The following SLC9B1 variants were observed in gnomAD, a reference collection of about 807,000 sequenced individuals.
SLC9B1 encodes sodium/hydrogen exchanger 9B1.
SLC9B1 carries 32 observed loss-of-function variants against 51.7 expected under a neutral mutation model. The observed-to-expected ratio is 0.62, with a 90% confidence interval of 0.47 to 0.83. The LOEUF is 0.83. Among genes scored for constraint, SLC9B1 ranks in the 40% least tolerant of loss-of-function variants. The probability of loss-of-function intolerance (pLI) is 0.00; values close to 1 mark genes in which losing one functional copy is unlikely to be tolerated. For missense variants in SLC9B1, 406 were observed against 613.2 expected (o/e 0.66, Z 3.57); for synonymous variants, 145 against 212.7 (o/e 0.68, Z 2.77).
chr4:102,943,392 GC>G (rs1477099588), intron 6 of SLC9B1, among the ~76,000 whole-genome samples: 7 of 152,040 alleles, frequency 4.6e-5, no homozygotes, highest in African/African-American at 1.7e-4. Flanking sequence ...GTTTATTGCA[GC>G]ACAATTTGCA....
intron 1 of SLC9B1, among the ~76,000 whole-genome samples, chr4:103,002,133 G>A (rs1206223304): frequency 6.6e-6 from 1 of 152,148 alleles, no homozygotes; most frequent in African/African-American, 2.4e-5. Context: ...TGGGCTTACA[G>A]GTCTCTCCCT....
At chr4:102,947,210 T>C (rs1333670012) in intron 4 of SLC9B1, among the ~76,000 whole-genome samples, 1 of 152,048 alleles carries the variant, frequency 6.6e-6, no homozygotes, top group East Asian at 1.9e-4. Context: ...TCTGCCACAG[T>C]CCACGCAAAA....
chr4:102,910,103 C>G (rs1478011624), intron 9 of SLC9B1, among the ~76,000 whole-genome samples: 1 of 152,068 alleles, frequency 6.6e-6, no homozygotes, highest in Non-Finnish European at 1.5e-5. Flanking sequence ...GCATGAGCCA[C>G]CGTCCCCGGC....
At chr4:102,936,072 T>C (rs1736708656) in intron 6 of SLC9B1, among the ~76,000 whole-genome samples, 1 of 152,130 alleles carries the variant, frequency 6.6e-6, no homozygotes, top group South Asian at 2.1e-4. Flanking sequence ...TGCTTAACAC[T>C]GAAGGGCCAG....
intron 9 of SLC9B1, among the ~76,000 whole-genome samples, chr4:102,909,953 C>T (rs1735257008): frequency 6.6e-6 from 1 of 151,728 alleles, no homozygotes; most frequent in Non-Finnish European, 1.5e-5. Flanking sequence ...ATTACAGGTG[C>T]CCACCACCAC....
At chr4:102,926,046 C>A (rs1440334639) in intron 7 of SLC9B1, among the ~76,000 whole-genome samples, 1 of 152,282 alleles carries the variant, frequency 6.6e-6, no homozygotes, top group African/African-American at 2.4e-5. Context: ...AAATTCAACA[C>A]TCCTTCATGC....
intron 3 of SLC9B1, chr4:102,962,558 G>T: frequency 2.1e-6 from 1 of 476,732 alleles, no homozygotes; most frequent in South Asian, 1.5e-5. Flanking sequence ...TCAACAAGTG[G>T]GTGAATGTAT....
At position 102,989,580 on chromosome 4, in the gene SLC9B1, A is replaced by G. The variant is rs142294018; in HGVS notation, c.211+220T>C. On this transcript the variant is annotated intron_variant, in intron 3 of 11. Coordinates refer to ENST00000296422, the MANE Select transcript of SLC9B1 (RefSeq NM_139173.4). ...AAAATTTAACATAAAAAAGTATGAC[A>G]AATATTAAAACATACACCTCCTAGG... Among the ~76,000 whole-genome samples, 72 of 152,126 alleles carry G rather than the reference A, an allele frequency of 4.7e-4. No individual in the cohort carries two copies. In the East Asian group the frequency reaches 0.013, roughly 27 times the overall value.
chr4:102,922,545 A>G (rs1460372440), intron 7 of SLC9B1, among the ~76,000 whole-genome samples: 1 of 152,232 alleles, frequency 6.6e-6, no homozygotes, highest in East Asian at 1.9e-4. Context: ...GCAGAAGGCA[A>G]AAAATAAGAT....
intron 11 of SLC9B1, 103 bp from the exon 12 acceptor site, chr4:102,901,435 A>C (rs1734789670): frequency 7.9e-7 from 1 of 1,258,222 alleles, no homozygotes; most frequent in African/African-American, 1.5e-5. Flanking sequence ...GTACTAGACT[A>C]TTAGAAAAAA....
intron 6 of SLC9B1, among the ~76,000 whole-genome samples, chr4:102,938,977 C>T (rs962942435): frequency 9.2e-5 from 14 of 151,694 alleles, no homozygotes; most frequent in Non-Finnish European, 1.5e-4. Flanking sequence ...AACAGAAAAA[C>T]GAGAGGAAAC....
intron 11 of SLC9B1, among the ~76,000 whole-genome samples, chr4:102,893,958 AT>A (rs1734408663): frequency 1.3e-5 from 2 of 149,672 alleles, no homozygotes; most frequent in Admixed American, 1.3e-4. Flanking sequence ...ATGAATGAAT[AT>A]TCTAAATAAA....
chr4:102,914,687 G>T (rs1032125022), intron 7 of SLC9B1, among the ~76,000 whole-genome samples: 2 of 152,150 alleles, frequency 1.3e-5, no homozygotes, highest in African/African-American at 4.8e-5. Context: ...TGAAATTATG[G>T]AGTCAGAGGA....
At chr4:102,940,204 C>T (rs1395734612) in intron 6 of SLC9B1, among the ~76,000 whole-genome samples, 4 of 152,144 alleles carry the variant, frequency 2.6e-5, no homozygotes, top group Non-Finnish European at 5.9e-5. Flanking sequence ...TTTCTATACA[C>T]CAACAACATC....
intron 3 of SLC9B1, among the ~76,000 whole-genome samples, chr4:102,950,320 G>A (rs1395218978): frequency 6.6e-6 from 1 of 152,196 alleles, no homozygotes; most frequent in Non-Finnish European, 1.5e-5. Context: ...TAGATTATGT[G>A]TAGGAAGTAG....
chr4:102,942,442 A>G (rs1737053046), intron 6 of SLC9B1, among the ~76,000 whole-genome samples: 1 of 152,242 alleles, frequency 6.6e-6, no homozygotes, highest in Non-Finnish European at 1.5e-5. Context: ...ATAAGGCTAT[A>G]GTCACCAAAG....
At chr4:102,998,482 T>C (rs1740342659) in intron 1 of SLC9B1, among the ~76,000 whole-genome samples, 1 of 152,220 alleles carries the variant, frequency 6.6e-6, no homozygotes, top group Non-Finnish European at 1.5e-5. Flanking sequence ...GCTATGAAAA[T>C]AGGTGTACCA....
At chr4:102,986,304 A>G (rs2110514680) in intron 3 of SLC9B1, among the ~76,000 whole-genome samples, 1 of 146,410 alleles carries the variant, frequency 6.8e-6, no homozygotes, top group South Asian at 2.1e-4. Flanking sequence ...ATGCCACTCT[A>G]TTCTTGCTTC....
At chr4:103,010,863 A>T (rs913775173) in intron 1 of SLC9B1, among the ~76,000 whole-genome samples, 2 of 152,218 alleles carry the variant, frequency 1.3e-5, no homozygotes, top group Admixed American at 1.3e-4. Flanking sequence ...TTTCAACATG[A>T]AATTGGAGGG....
Sources: gnomAD v4.1 joint callset for allele counts (sites outside exome capture counted in the v4.1 genomes callset) on GRCh38, gnomAD v4.1.1 for gene constraint, MANE v1.5 for transcripts, NCBI Gene and HGNC (gene_info 2026-07-23, HGNC 2026-07-21) for gene names.